Variants in GAREM1 observed in about 807,000 individuals in gnomAD.
GAREM1 encodes GRB2 associated regulator of MAPK1 subtype 1.
Under a neutral mutation model 71.3 loss-of-function variants are expected in GAREM1, and 26 were observed. The observed-to-expected ratio is 0.36, with a 90% CI of 0.27 to 0.51. The LOEUF is 0.51. Among genes scored for constraint, GAREM1 ranks in the 20% least tolerant of loss-of-function variants. The pLI, the probability that GAREM1 is intolerant of heterozygous loss-of-function variation, is 0.95. For synonymous variants in GAREM1, 440 were observed against 433.2 expected (o/e 1.02, Z -0.20); for missense variants, 1,026 against 1,103.1 (o/e 0.93, Z 0.99).
intron 3 of GAREM1, among the ~76,000 whole-genome samples, chr18:32,306,135 A>G (rs1267779833): frequency 6.6e-6 from 1 of 152,060 alleles, no homozygotes; most frequent in Non-Finnish European, 1.5e-5. Flanking sequence ...TGACCTTCAC[A>G]TTTTGCTAAA....
chr18:32,360,581 T>C (rs2047856475), intron 2 of GAREM1, among the ~76,000 whole-genome samples: 1 of 152,026 alleles, frequency 6.6e-6, no homozygotes, highest in African/African-American at 2.4e-5. Context: ...GGGGAGCATT[T>C]TTCCAAAAAG....
At chr18:32,350,872 T>A (rs1444106809) in intron 2 of GAREM1, among the ~76,000 whole-genome samples, 1 of 152,194 alleles carries the variant, frequency 6.6e-6, no homozygotes, top group Non-Finnish European at 1.5e-5. Flanking sequence ...TAAAGCATGA[T>A]GTTTAAACAA....
intron 2 of GAREM1, among the ~76,000 whole-genome samples, chr18:32,323,196 G>C (rs922416849): frequency 1.3e-5 from 2 of 152,162 alleles, no homozygotes; most frequent in African/African-American, 4.8e-5. Flanking sequence ...CCCCAAAACT[G>C]CTCTGCATTT....
intron 5 of GAREM1, among the ~76,000 whole-genome samples, chr18:32,269,651 A>AT (rs1314065585): frequency 6.6e-6 from 1 of 152,214 alleles, no homozygotes; most frequent in African/African-American, 2.4e-5. Flanking sequence ...TTTCAACTCA[A>AT]TATAATAAAG....
chr18:32,373,351 A>G (rs768480644), intron 2 of GAREM1, among the ~76,000 whole-genome samples: 56 of 152,062 alleles, frequency 3.7e-4, no homozygotes, highest in Non-Finnish European at 6.8e-4. Flanking sequence ...TTCTACCACT[A>G]CCCTAAGCTG....
At chr18:32,370,085 C>T (rs927736782) in intron 2 of GAREM1, among the ~76,000 whole-genome samples, 1 of 152,196 alleles carries the variant, frequency 6.6e-6, no homozygotes, top group Non-Finnish European at 1.5e-5. Flanking sequence ...CGGGCTACTT[C>T]ATGGCAATTT....
chr18:32,314,593 G>GTT (rs568011044), intron 2 of GAREM1, among the ~76,000 whole-genome samples: 30,649 of 143,522 alleles, frequency 0.21, 4,290 homozygotes, highest in African/African-American at 0.41. Flanking sequence ...TTTTGTTGTT[G>GTT]TTTTTTTTTT....
At chr18:32,300,542 C>G (rs2047188694) in intron 3 of GAREM1, among the ~76,000 whole-genome samples, 1 of 151,226 alleles carries the variant, frequency 6.6e-6, no homozygotes, top group Admixed American at 6.6e-5. Context: ...GATGGCAGAG[C>G]ATAAATAATT....
At chr18:32,340,860 G>C (rs1220877992) in intron 2 of GAREM1, among the ~76,000 whole-genome samples, 1 of 152,080 alleles carries the variant, frequency 6.6e-6, no homozygotes, top group African/African-American at 2.4e-5. Context: ...CCACCAACTG[G>C]CCCCACCTCC....
intron 1 of GAREM1, among the ~76,000 whole-genome samples, chr18:32,448,084 G>GT (rs1309998067): frequency 6.6e-6 from 1 of 152,130 alleles, no homozygotes; most frequent in East Asian, 1.9e-4. Context: ...TTCTAAAGGG[G>GT]TTTATTGTGG....
intron 2 of GAREM1, among the ~76,000 whole-genome samples, chr18:32,372,041 T>C (rs959940892): frequency 1.3e-5 from 2 of 152,310 alleles, no homozygotes; most frequent in South Asian, 2.1e-4. Context: ...AGACATTTCA[T>C]TGAGTAGCTG....
At chr18:32,348,996 T>C (rs977207888) in intron 2 of GAREM1, among the ~76,000 whole-genome samples, 1 of 152,198 alleles carries the variant, frequency 6.6e-6, no homozygotes, top group African/African-American at 2.4e-5. Context: ...TCCAATTTTC[T>C]GAACATGTAG....
At chr18:32,278,629 A>T (rs1045954197) in intron 4 of GAREM1, among the ~76,000 whole-genome samples, 1 of 152,118 alleles carries the variant, frequency 6.6e-6, no homozygotes, top group African/African-American at 2.4e-5. Flanking sequence ...TCTGCCCTGT[A>T]TTTTACATTT....
chr18:32,386,935 T>C (rs868825187), intron 2 of GAREM1, among the ~76,000 whole-genome samples: 1 of 152,098 alleles, frequency 6.6e-6, no homozygotes, highest in Non-Finnish European at 1.5e-5. Flanking sequence ...CTCCATTTTA[T>C]AGAGTGGAGA....
chr18:32,451,248 T>TCCCCCCCCCCCCCC (rs1164223308), intron 1 of GAREM1, among the ~76,000 whole-genome samples: 12 of 102,436 alleles, frequency 1.2e-4, no homozygotes, highest in African/African-American at 3.1e-4. Context: ...AGAGCCCCCA[T>TCCCCCCCCCCCCCC]CCCCCCACCC....
chr18:32,359,973 A>C (rs1356799178), intron 2 of GAREM1, among the ~76,000 whole-genome samples: 1 of 151,796 alleles, frequency 6.6e-6, no homozygotes, highest in Non-Finnish European at 1.5e-5. Flanking sequence ...AATAAATAAA[A>C]AGAATCACCT....
chr18:32,333,846 G>A (rs769175008), intron 2 of GAREM1, among the ~76,000 whole-genome samples: 1 of 152,106 alleles, frequency 6.6e-6, no homozygotes, highest in African/African-American at 2.4e-5. Flanking sequence ...TCAACAATGG[G>A]AGCAGGAGCA....
intron 2 of GAREM1, among the ~76,000 whole-genome samples, chr18:32,350,606 T>C (rs1453131634): frequency 6.6e-6 from 1 of 152,206 alleles, no homozygotes; most frequent in African/African-American, 2.4e-5. Flanking sequence ...CCCTTCTCTC[T>C]AGGATATTTG....
In GAREM1 at chr18:32,373,888, A is replaced by G. The variant is rs548173585; in HGVS notation, c.262+19007T>C. On this transcript the variant is annotated intron_variant, in intron 2 of 5. Transcript: ENST00000269209. ...ATAGATGAGAATTCCTGGCAAAATG[A>G]ACACACTGGTATCCACCTAAGTAAA... Among the ~76,000 whole-genome samples, 3 of 152,380 alleles carry G rather than the reference A, an allele frequency of 2.0e-5. No homozygotes were observed. In the South Asian group the frequency reaches 6.2e-4, roughly 32 times the overall value.
Sources: gnomAD v4.1 joint callset for allele counts (sites outside exome capture counted in the v4.1 genomes callset) on GRCh38, gnomAD v4.1.1 for gene constraint, MANE v1.5 for transcripts, NCBI Gene and HGNC (gene_info 2026-07-23, HGNC 2026-07-21) for gene names.